The following TMLHE variants were observed in gnomAD, a reference collection of about 807,000 sequenced individuals.
TMLHE encodes the protein trimethyllysine dioxygenase, mitochondrial.
A neutral mutation model predicts 25.7 loss-of-function variants in TMLHE; 18 were observed. The observed-to-expected ratio is 0.70, with a 90% confidence interval of 0.48 to 1.04. The LOEUF (loss-of-function observed/expected upper bound fraction) is 1.04, where lower values mean the gene tolerates loss of function less well. Among genes scored for constraint, TMLHE ranks in the 50% least tolerant of loss-of-function variants. The probability of loss-of-function intolerance (pLI) is 0.00; values close to 1 mark genes in which losing one functional copy is unlikely to be tolerated. For synonymous variants in TMLHE, 105 were observed against 97.0 expected, an observed-to-expected ratio of 1.08 and a Z score of -0.49; for missense variants, 236 against 259.0, an observed-to-expected ratio of 0.91 and a Z score of 0.61.
At chrX:155,534,756 G>A (rs1268275429) in intron 2 of TMLHE, among the ~76,000 whole-genome samples, 1 of 111,439 alleles carries the variant, frequency 9.0e-6, no homozygotes, top group Non-Finnish European at 1.9e-5. Flanking sequence ...GGGGTTGTTG[G>A]GATGGAAGGT....
intron 1 of TMLHE, among the ~76,000 whole-genome samples, chrX:155,547,651 A>C (rs2067360648): frequency 9.1e-6 from 1 of 110,332 alleles, no homozygotes; most frequent in Non-Finnish European, 1.9e-5. Context: ...GTGGAGCTCC[A>C]CATGACTAGT....
At position 155,513,973 on chromosome X, in the gene TMLHE, A is replaced by T. The variant is rs782583155; in HGVS notation, c.638+13T>A. 111 of 1,193,017 alleles carry T rather than the reference A, an allele frequency of 9.3e-5. No individual in the cohort carries two copies. The South Asian group carries it at 2.0e-3, about 21-fold the overall frequency. ...ATTATAATACTGTGGATTTTAGGAA[A>T]CAAATGAATTACCTGATTAAGCTGA... On this transcript the variant is annotated intron_variant, in intron 4 of 7. Transcript: ENST00000334398.
At chrX:155,546,929 C>G in intron 1 of TMLHE, among the ~76,000 whole-genome samples, 1 of 110,892 alleles carries the variant, frequency 9.0e-6, no homozygotes, top group East Asian at 2.8e-4. Flanking sequence ...CACCAAGACT[C>G]CAGACCAAGA....
At chrX:155,604,795 C>A (rs782660279) in intron 1 of TMLHE, among the ~76,000 whole-genome samples, 10 of 111,914 alleles carry the variant, frequency 8.9e-5, no homozygotes, top group Admixed American at 2.8e-4. Context: ...AATTTTGACA[C>A]CAAAAATACT....
intron 1 of TMLHE, among the ~76,000 whole-genome samples, chrX:155,604,385 T>C (rs782558416): frequency 2.9e-5 from 3 of 104,998 alleles, no homozygotes; most frequent in African/African-American, 1.1e-4. Flanking sequence ...CCCCTCCCCA[T>C]TCATCACCAG....
rs1400896934 is a variant in TMLHE, at chrX:155,548,530, ATGAGGCCAGCC to A, written c.-1-3264_-1-3254del. 5.8e-4 allele frequency among the ~76,000 whole-genome samples: 63 copies of A among 108,051 alleles called. 1 individual carries two copies. Among genetic ancestry groups the A allele is most frequent in the African/African-American group, 1.7e-3 (47 of 28,151 alleles). The allele number at this position is 108,051 out of a possible 115,157, so 93.8% of individuals were successfully genotyped here. ...GCGGGCGGATCACAAGGTCAGCAGT[ATGAGGCCAGCC>A]TGACTAACATGGTGAAACCCTGTCT... is the stretch of plus-strand genomic sequence containing the variant. On this transcript the variant is annotated intron_variant, in intron 1 of 7. Transcript: ENST00000334398.
intron 1 of TMLHE, chrX:155,612,040 GTGTACTA>G (rs1166920237): frequency 2.7e-5 from 3 of 112,074 alleles, no homozygotes; most frequent in African/African-American, 9.7e-5. Context: ...TTGCTAGGCA[GTGTACTA>G]TGTCCACTCA....
intron 1 of TMLHE, among the ~76,000 whole-genome samples, chrX:155,598,008 A>G (rs782511002): frequency 8.9e-6 from 1 of 112,167 alleles, no homozygotes; most frequent in African/African-American, 3.2e-5. Context: ...GACTTCATAG[A>G]CTTATGACAG....
chrX:155,548,174 C>T (rs782653690), intron 1 of TMLHE, among the ~76,000 whole-genome samples: 82 of 111,999 alleles, frequency 7.3e-4, no homozygotes, highest in African/African-American at 1.8e-3. Flanking sequence ...CATACCAGGA[C>T]GTTGGTCTGG....
At chrX:155,552,674 C>A (rs1439062903) in intron 1 of TMLHE, among the ~76,000 whole-genome samples, 1 of 109,498 alleles carries the variant, frequency 9.1e-6, no homozygotes, top group East Asian at 2.8e-4. Flanking sequence ...AAGAAACTTT[C>A]GGTTTCAATA....
chrX:155,564,356 A>G (rs1230587708), intron 1 of TMLHE, among the ~76,000 whole-genome samples: 3 of 62,136 alleles, frequency 4.8e-5, no homozygotes, highest in African/African-American at 1.1e-4. Flanking sequence ...GGGAAGTGGG[A>G]AGAGTGTCTA....
At chrX:155,603,891 T>C (rs974134967) in intron 1 of TMLHE, among the ~76,000 whole-genome samples, 5 of 110,661 alleles carry the variant, frequency 4.5e-5, no homozygotes, top group Non-Finnish European at 9.4e-5. Context: ...AAAAACACAA[T>C]TGACAAAAGA....
intron 1 of TMLHE, among the ~76,000 whole-genome samples, chrX:155,549,234 T>C (rs2067393126): frequency 9.0e-6 from 1 of 111,058 alleles, no homozygotes; most frequent in Non-Finnish European, 1.9e-5. Flanking sequence ...TTGTTTGTTT[T>C]TTTGCTGCAT....
intron 1 of TMLHE, among the ~76,000 whole-genome samples, chrX:155,609,063 G>A (rs971968592): frequency 5.4e-5 from 6 of 111,491 alleles, no homozygotes; most frequent in South Asian, 7.4e-4. Flanking sequence ...AATATAAATC[G>A]TTCTGCCATA....
At chrX:155,512,539 G>C (rs1200881712) in intron 4 of TMLHE, among the ~76,000 whole-genome samples, 2 of 110,687 alleles carry the variant, frequency 1.8e-5, no homozygotes, top group African/African-American at 6.6e-5. Flanking sequence ...TGGTGTATAT[G>C]TGCCACATTT....
At chrX:155,548,787 G>A (rs1557339521) in intron 1 of TMLHE, among the ~76,000 whole-genome samples, 2 of 110,095 alleles carry the variant, frequency 1.8e-5, no homozygotes, top group Non-Finnish European at 3.8e-5. Context: ...CAATATGTGA[G>A]CAAATAGTAT....
At chrX:155,510,857 G>A (rs1424071288) in intron 5 of TMLHE, among the ~76,000 whole-genome samples, 8 of 105,446 alleles carry the variant, frequency 7.6e-5, no homozygotes, top group African/African-American at 2.7e-4. Context: ...CTAGTTTACA[G>A]TCCCACCAAC....
intron 1 of TMLHE, among the ~76,000 whole-genome samples, chrX:155,547,626 T>C (rs1306641413): frequency 9.1e-6 from 1 of 110,345 alleles, no homozygotes; most frequent in Non-Finnish European, 1.9e-5. Context: ...AAGTTAACCA[T>C]GCCTGAGGAA....
rs1245168991 is a variant in TMLHE at position 155,511,771 on chromosome X, C to G, written c.660G>C (p.Met220Ile). 3 of 1,187,293 alleles carry G rather than the reference C, an allele frequency of 2.5e-6. No homozygotes were observed. The highest frequency in any genetic ancestry group is 4.4e-5 in the Admixed American group (2 of 45,238). The change falls in exon 5 of 8, where the codon ATG (methionine) becomes ATC (isoleucine). Residue 220 changes from methionine to isoleucine, a missense_variant. Met to Ile is a conservative substitution (Grantham distance 10). Around this residue, in one of 2 missense-constraint regions of TMLHE, gnomAD observed 217 missense variants for 214.6 expected, o/e 1.01. Coordinates refer to ENST00000334398, the MANE Select transcript of TMLHE (RefSeq NM_018196.4). ...SLIRETIYGR[M>I]WYFTSDFSRG... ...TGGAGAAGTCTGAAGTGAAATACCA[C>G]ATCCTCCCATAAATGGTTTCTCTGT...
Sources: gnomAD v4.1 joint callset for allele counts (sites outside exome capture counted in the v4.1 genomes callset) on GRCh38, gnomAD v4.1.1 for gene constraint, gnomAD v4.1.1 regional missense constraint, MANE v1.5 for transcripts, NCBI Gene and HGNC (gene_info 2026-07-23, HGNC 2026-07-21) for gene names.